The following RBBP8 variants were observed in gnomAD, a reference collection of about 807,000 sequenced individuals.
RBBP8 encodes the protein DNA endonuclease RBBP8.
Under a neutral mutation model 108.3 loss-of-function variants are expected in RBBP8, and 88 were observed. The observed-to-expected ratio is 0.81, with a 90% CI of 0.68 to 0.97. RBBP8 has a LOEUF of 0.97. Among genes scored for constraint, RBBP8 ranks in the 50% least tolerant of loss-of-function variants. The pLI is 0.00. For synonymous variants in RBBP8, 332 were observed against 348.2 expected, an observed-to-expected ratio of 0.95 and a Z score of 0.52; for missense variants, 1,023 against 1,049.0, an observed-to-expected ratio of 0.98 and a Z score of 0.34.
chr18:22,936,350 C>T (rs1335922618), intron 1 of RBBP8, among the ~76,000 whole-genome samples: 1 of 152,112 alleles, frequency 6.6e-6, no homozygotes, highest in Admixed American at 6.5e-5. Context: ...GATCTGCCCA[C>T]CTCAGCCTCC....
chr18:22,953,360 T>C (rs557977505), intron 4 of RBBP8, among the ~76,000 whole-genome samples: 25 of 152,226 alleles, frequency 1.6e-4, no homozygotes, highest in Non-Finnish European at 3.4e-4. Flanking sequence ...GGCCAACTTA[T>C]ATTGACTTCC....
At chr18:22,995,632 G>T (rs1170090265) in intron 12 of RBBP8, among the ~76,000 whole-genome samples, 1 of 151,938 alleles carries the variant, frequency 6.6e-6, no homozygotes, top group African/African-American at 2.4e-5. Context: ...GCCTATTCTG[G>T]GAGTTTTCAT....
chr18:22,917,239 T>C (rs1403577462), intron 3 of RBBP8, among the ~76,000 whole-genome samples: 1 of 152,172 alleles, frequency 6.6e-6, no homozygotes, highest in Non-Finnish European at 1.5e-5. Context: ...TTTAGTTCAG[T>C]CCAAGTGGAC....
At chr18:23,017,304 G>A (rs537430509) in intron 17 of RBBP8, among the ~76,000 whole-genome samples, 78 of 150,942 alleles carry the variant, frequency 5.2e-4, no homozygotes, top group Non-Finnish European at 9.9e-4. Context: ...GCAGTGAGCC[G>A]AGATTGTGCC....
intron 3 of RBBP8, among the ~76,000 whole-genome samples, chr18:22,919,806 C>T (rs1311793040): frequency 6.7e-6 from 1 of 149,720 alleles, no homozygotes; most frequent in Non-Finnish European, 1.5e-5. Flanking sequence ...CCCTCCGTGG[C>T]CTCCCAAAGT....
intron 14 of RBBP8, among the ~76,000 whole-genome samples, chr18:23,000,361 A>G (rs1223731778): frequency 1.3e-5 from 2 of 152,230 alleles, no homozygotes; most frequent in Non-Finnish European, 2.9e-5. Flanking sequence ...CAAATATGGC[A>G]TTGAATTCCT....
rs564162408 is a variant in RBBP8, at chr18:22,942,077, G to C, written c.110-4367G>C. Among the ~76,000 whole-genome samples the C allele has an allele frequency of 6.6e-5, 10 of 152,146 alleles. No individual in the cohort carries two copies. The East Asian group carries it at 1.7e-3, about 26-fold the overall frequency. On this transcript the variant is annotated intron_variant, in intron 2 of 18. Transcript: ENST00000327155. Reference sequence around the variant, plus strand: ...AAGGGAACTTAATTTTTTTAAGGAGGTGGGGAATCCATTTGTAGAAACCAG... The same window carrying C: ...AAGGGAACTTAATTTTTTTAAGGAGCTGGGGAATCCATTTGTAGAAACCAG...
chr18:23,017,769 C>CGG (rs2046286272), intron 17 of RBBP8, among the ~76,000 whole-genome samples: 1 of 87,620 alleles, frequency 1.1e-5, no homozygotes, highest in Non-Finnish European at 2.0e-5. Flanking sequence ...TTTTTTGAGA[C>CGG]GGAGTCTTGC....
At chr18:22,944,822 A>G (rs1209945640) in intron 2 of RBBP8, among the ~76,000 whole-genome samples, 1 of 152,188 alleles carries the variant, frequency 6.6e-6, no homozygotes, top group East Asian at 1.9e-4. Context: ...ATAAATCATT[A>G]CTATGGAGGG....
intron 4 of RBBP8, among the ~76,000 whole-genome samples, chr18:22,965,762 C>T (rs921553395): frequency 2.6e-5 from 4 of 152,174 alleles, no homozygotes; most frequent in African/African-American, 9.7e-5. Context: ...TAATCAGTCA[C>T]TCCCAGAACC....
At chr18:22,925,511 CAG>C (rs1469106356) in intron 3 of RBBP8, among the ~76,000 whole-genome samples, 3 of 152,094 alleles carry the variant, frequency 2.0e-5, no homozygotes. Flanking sequence ...CAAAAAAAGA[CAG>C]TGCGTTTAAA....
At chr18:22,929,575 G>GT (rs763809894), upstream of RBBP8, 5 of 144,950 alleles carry the variant, frequency 3.4e-5, no homozygotes, top group Non-Finnish European at 6.0e-5. Flanking sequence ...TAAGAGACAG[G>GT]TTCTGGCTGT....
intron 16 of RBBP8, among the ~76,000 whole-genome samples, chr18:23,014,916 C>T (rs1341062599): frequency 1.3e-5 from 2 of 151,734 alleles, no homozygotes; most frequent in African/African-American, 4.8e-5. Context: ...GACAGGATCT[C>T]ACTTTGTTAC....
At position 23,012,207 on chromosome 18, in the gene RBBP8, C is replaced by CAAAAAAAAAAAAAAAAAAAAAAAAAAAAA. The variant is rs368600707; in HGVS notation, c.2358-4621_2358-4620insAAAAAAAAAAAAAAAAAAAAAAAAAAAAA. Among the ~76,000 whole-genome samples, 2 of 81,144 alleles carry CAAAAAAAAAAAAAAAAAAAAAAAAAAAAA rather than the reference C, an allele frequency of 2.5e-5. 1 individual carries two copies. The allele number at this position is 81,144 out of a possible 152,430, so 53.2% of individuals were successfully genotyped here. A position where few individuals can be genotyped will look rare whatever the true frequency, so the allele number is the denominator to read the frequency against. ...TGGGAGACAAAGTGAGATGCTGTCT[C>CAAAAAAAAAAAAAAAAAAAAAAAAAAAAA]CAAAAAAAAAAAAAAAAAAAAAAAC... On this transcript the variant is annotated intron_variant, in intron 16 of 18. Coordinates refer to ENST00000327155, the MANE Select transcript of RBBP8 (RefSeq NM_002894.3).
intron 14 of RBBP8, 117 bp downstream of exon 14, chr18:22,997,851 C>T: frequency 1.3e-6 from 1 of 749,624 alleles, no homozygotes; most frequent in South Asian, 1.5e-5. Flanking sequence ...TTTTTTCCTG[C>T]TCTGTTAACT....
At chr18:23,009,378 C>A (rs1021272630) in intron 16 of RBBP8, among the ~76,000 whole-genome samples, 3 of 150,742 alleles carry the variant, frequency 2.0e-5, no homozygotes, top group Non-Finnish European at 4.4e-5. Context: ...AAAATCACTG[C>A]GTTTTTTTTT....
Position 22,989,278 on chromosome 18 carries a change from T to G in RBBP8, c.767T>G (p.Val256Gly). ...PDKSSFNLATVVAETLGLGVQ... is the reference protein window; with the variant it reads ...PDKSSFNLATGVAETLGLGVQ... ...AAGTCATCTTTTAATTTAGCTACAG[T>G]TGTTGCTGAAACACTTGGACTTGGT... The change falls in exon 9 of 19, where the codon GTT becomes GGT. Residue 256 changes from valine to glycine, a missense_variant. Transcript: ENST00000327155. The G allele has an allele frequency of 6.2e-7, 1 of 1,611,368 alleles. No individual in the cohort carries two copies. Among genetic ancestry groups the G allele is most frequent in the Non-Finnish European group, 8.5e-7 (1 of 1,177,772 alleles).
chr18:23,001,003 C>T (rs2045937635), intron 14 of RBBP8, among the ~76,000 whole-genome samples: 1 of 152,196 alleles, frequency 6.6e-6, no homozygotes, highest in African/African-American at 2.4e-5. Flanking sequence ...ATCATGTTAG[C>T]ATGTGTCCAC....
At chr18:22,926,468 G>C (rs1909795670) in intron 3 of RBBP8, among the ~76,000 whole-genome samples, 1 of 152,070 alleles carries the variant, frequency 6.6e-6, no homozygotes, top group Non-Finnish European at 1.5e-5. Flanking sequence ...GCAAATAACA[G>C]ATCAACAACG....
Sources: allele counts gnomAD v4.1 joint callset (sites outside exome capture counted in the v4.1 genomes callset), GRCh38; gene constraint gnomAD v4.1.1; transcripts MANE v1.5; gene names NCBI Gene and HGNC (gene_info 2026-07-23, HGNC 2026-07-21).